The following MAD1L1 variants were observed in gnomAD, a reference collection of about 807,000 sequenced individuals.
MAD1L1 encodes mitotic arrest deficient 1 like 1.
In MAD1L1, 95 loss-of-function variants were observed where a neutral mutation model predicts 96.9. The ratio of observed to expected loss-of-function variants is 0.98; its 90% CI spans 0.83 to 1.16. MAD1L1 has a LOEUF of 1.16. MAD1L1 is among the 50% of genes most tolerant of loss of function. MAD1L1 has a pLI of 0.00. For missense variants in MAD1L1, 1,007 were observed against 954.4 expected (o/e 1.06, Z -0.73); for synonymous variants, 473 against 396.6 (o/e 1.19, Z -2.29).
chr7:2,122,303 T>C (rs1788017392), intron 11 of MAD1L1, among the ~76,000 whole-genome samples: 1 of 152,212 alleles, frequency 6.6e-6, no homozygotes, highest in Non-Finnish European at 1.5e-5. Flanking sequence ...CTTAAAATAT[T>C]ATCTAGCACC....
chr7:2,197,245 G>T (rs1792038012), intron 10 of MAD1L1, among the ~76,000 whole-genome samples: 1 of 152,182 alleles, frequency 6.6e-6, no homozygotes, highest in Non-Finnish European at 1.5e-5. Flanking sequence ...GGAACATGCT[G>T]CCAGCCTCTC....
intron 10 of MAD1L1, among the ~76,000 whole-genome samples, chr7:2,181,778 C>A (rs73039282): frequency 0.026 from 4,007 of 152,162 alleles, 92 homozygotes; most frequent in South Asian, 0.075. Flanking sequence ...AGCCTAAATG[C>A]CCATCAACCG....
At chr7:1,965,209 T>C (rs899210879) in intron 15 of MAD1L1, among the ~76,000 whole-genome samples, 2 of 152,160 alleles carry the variant, frequency 1.3e-5, no homozygotes, top group Admixed American at 1.3e-4. Flanking sequence ...GCCCTGGAGA[T>C]GGTCACACAA....
intron 12 of MAD1L1, among the ~76,000 whole-genome samples, chr7:2,060,667 G>A (rs931080760): frequency 5.3e-5 from 8 of 152,198 alleles, no homozygotes; most frequent in Non-Finnish European, 1.0e-4. Flanking sequence ...TGAAGTGGAC[G>A]GCCACGAGGG....
chr7:2,081,082 A>T (rs565084900), intron 11 of MAD1L1, among the ~76,000 whole-genome samples: 1 of 152,056 alleles, frequency 6.6e-6, no homozygotes, highest in South Asian at 2.1e-4. Flanking sequence ...AGCTGCTGTG[A>T]TGGTCCAGGA....
chr7:1,964,170 C>A (rs1780064573), intron 15 of MAD1L1, among the ~76,000 whole-genome samples: 1 of 152,132 alleles, frequency 6.6e-6, no homozygotes, highest in African/African-American at 2.4e-5. Flanking sequence ...GTGAACCTGC[C>A]CAAGGTGATG....
intron 12 of MAD1L1, among the ~76,000 whole-genome samples, chr7:2,041,226 G>A (rs1213271305): frequency 2.0e-5 from 3 of 152,150 alleles, no homozygotes; most frequent in African/African-American, 4.8e-5. Context: ...CAGAAAATCC[G>A]AGCTGACAAC....
intron 15 of MAD1L1, among the ~76,000 whole-genome samples, chr7:1,960,223 C>T (rs1412098057): frequency 6.8e-6 from 1 of 146,348 alleles, no homozygotes; most frequent in Non-Finnish European, 1.5e-5. Context: ...CAGAAAAATA[C>T]CAAAGTGGAT....
At chr7:1,818,747 G>A (rs1781963618) in intron 18 of MAD1L1, among the ~76,000 whole-genome samples, 1 of 151,890 alleles carries the variant, frequency 6.6e-6, no homozygotes, top group Admixed American at 6.6e-5. Flanking sequence ...CAAGACAGCT[G>A]CTCCCAATGG....
At chr7:2,013,172 G>A (rs1473762936) in intron 13 of MAD1L1, among the ~76,000 whole-genome samples, 1 of 152,258 alleles carries the variant, frequency 6.6e-6, no homozygotes, top group Admixed American at 6.5e-5. Context: ...CAGCCCGGCT[G>A]GAAGGTGGCT....
rs149235439 is a variant in MAD1L1 at position 2,080,360 on chromosome 7, G to C, written c.1074-11022C>G. 2.0e-5 allele frequency among the ~76,000 whole-genome samples: 3 copies of C among 152,280 alleles called. No homozygotes were observed. In the East Asian group the frequency reaches 5.8e-4, roughly 29 times the overall value. On this transcript the variant is annotated intron_variant, in intron 11 of 18. Transcript: ENST00000265854. ...TACCACAGATATGAGGTTTAGAAAC[G>C]CTAGCATGGGTAACTAAAGACATGA...
At chr7:2,147,045 C>T (rs927997271) in intron 11 of MAD1L1, among the ~76,000 whole-genome samples, 3 of 152,178 alleles carry the variant, frequency 2.0e-5, no homozygotes, top group Admixed American at 2.0e-4. Context: ...GTCACCAGGC[C>T]CCAGAAAGCC....
At chr7:2,185,680 G>A (rs1441360908) in intron 10 of MAD1L1, among the ~76,000 whole-genome samples, 1 of 151,864 alleles carries the variant, frequency 6.6e-6, no homozygotes, top group African/African-American at 2.4e-5. Flanking sequence ...CAAGTTTCAT[G>A]AGAGAGAGAC....
intron 18 of MAD1L1, among the ~76,000 whole-genome samples, chr7:1,839,209 G>T (rs2128631347): frequency 6.6e-6 from 1 of 152,284 alleles, no homozygotes; most frequent in East Asian, 1.9e-4. Context: ...GGTGGAGCAG[G>T]GCTTGGTGGG....
intron 17 of MAD1L1, among the ~76,000 whole-genome samples, chr7:1,913,315 G>A (rs923198508): frequency 7.9e-5 from 12 of 151,372 alleles, no homozygotes; most frequent in Admixed American, 2.0e-4. Context: ...GGTGCAGGGA[G>A]GACCCCTGAG....
chr7:1,933,949 AG>A (rs1242457317), intron 17 of MAD1L1, among the ~76,000 whole-genome samples: 1 of 152,212 alleles, frequency 6.6e-6, no homozygotes, highest in Non-Finnish European at 1.5e-5. Flanking sequence ...CCGCCGGCTT[AG>A]ATTCCGGTTT....
At chr7:2,007,344 G>A (rs192287724) in intron 13 of MAD1L1, among the ~76,000 whole-genome samples, 16 of 152,354 alleles carry the variant, frequency 1.1e-4, no homozygotes, top group African/African-American at 2.2e-4. Flanking sequence ...ACTGGACCCC[G>A]CGTGTTGCCA....
intron 10 of MAD1L1, among the ~76,000 whole-genome samples, chr7:2,208,707 G>A (rs1209726226): frequency 6.6e-6 from 1 of 152,144 alleles, no homozygotes; most frequent in Admixed American, 6.5e-5. Flanking sequence ...CAAGCATCCT[G>A]CATTCCCAGA....
At chr7:2,179,452 C>T (rs545329346) in intron 10 of MAD1L1, among the ~76,000 whole-genome samples, 23 of 150,756 alleles carry the variant, frequency 1.5e-4, no homozygotes, top group African/African-American at 5.4e-4. Flanking sequence ...CACTTGAACC[C>T]GGGAGGTAGA....
Sources: gnomAD v4.1 joint callset for allele counts (sites outside exome capture counted in the v4.1 genomes callset) on GRCh38, gnomAD v4.1.1 for gene constraint, MANE v1.5 for transcripts, NCBI Gene and HGNC (gene_info 2026-07-23, HGNC 2026-07-21) for gene names.